The following GABBR2 variants were observed in gnomAD, a reference collection of about 807,000 sequenced individuals.
GABBR2 encodes the protein gamma-aminobutyric acid type B receptor subunit 2, also known as G-protein coupled receptor 51.
A neutral mutation model predicts 105.6 loss-of-function variants in GABBR2; 23 were observed. The ratio of observed to expected loss-of-function variants is 0.22; its 90% CI spans 0.16 to 0.31. The LOEUF is 0.31. GABBR2 is among the 10% of genes least tolerant of loss of function. The pLI, the probability that GABBR2 is intolerant of heterozygous loss-of-function variation, is 1.00. For synonymous variants in GABBR2, 478 were observed against 499.7 expected, an observed-to-expected ratio of 0.96 and a Z score of 0.58; for missense variants, 734 against 1,245.5, an observed-to-expected ratio of 0.59 and a Z score of 6.18.
intron 3 of GABBR2, among the ~76,000 whole-genome samples, chr9:98,530,025 G>A (rs1315550266): frequency 6.6e-6 from 1 of 152,158 alleles, no homozygotes; most frequent in African/African-American, 2.4e-5. Context: ...CACTACCCAA[G>A]CCTGGCAGAT....
At chr9:98,315,889 A>G (rs1830707399) in intron 13 of GABBR2, among the ~76,000 whole-genome samples, 1 of 152,228 alleles carries the variant, frequency 6.6e-6, no homozygotes. Context: ...CCAGATTTCC[A>G]AGCACCATGG....
intron 3 of GABBR2, among the ~76,000 whole-genome samples, chr9:98,541,632 C>T (rs917613720): frequency 3.3e-5 from 5 of 152,114 alleles, no homozygotes; most frequent in Non-Finnish European, 7.4e-5. Context: ...CACGAGGTAG[C>T]CAATAAAAAG....
chr9:98,540,555 A>T (rs1342210303), intron 3 of GABBR2, among the ~76,000 whole-genome samples: 1 of 152,202 alleles, frequency 6.6e-6, no homozygotes, highest in African/African-American at 2.4e-5. Context: ...GCTGATTACC[A>T]GCCCTGTTCT....
At chr9:98,592,574 G>A (rs2131797021) in intron 1 of GABBR2, among the ~76,000 whole-genome samples, 1 of 152,280 alleles carries the variant, frequency 6.6e-6, no homozygotes, top group South Asian at 2.1e-4. Context: ...TCAAACCCAG[G>A]CTATCATACT....
chr9:98,410,505 CTT>C (rs5899341), intron 7 of GABBR2, among the ~76,000 whole-genome samples: 2,645 of 126,428 alleles, frequency 0.021, 73 homozygotes, highest in Admixed American at 0.085. Context: ...GAGGGAAAAG[CTT>C]TTTTTTTTTT....
chr9:98,485,706 T>C (rs1827032101), intron 4 of GABBR2, among the ~76,000 whole-genome samples: 1 of 152,236 alleles, frequency 6.6e-6, no homozygotes, highest in Non-Finnish European at 1.5e-5. Flanking sequence ...GCTGTTATTA[T>C]GCTCACTTTG....
intron 2 of GABBR2, among the ~76,000 whole-genome samples, chr9:98,564,949 G>C: frequency 6.6e-6 from 1 of 152,134 alleles, no homozygotes; most frequent in East Asian, 1.9e-4. Context: ...TAAATATCAG[G>C]AAATACAGAG....
intron 1 of GABBR2, among the ~76,000 whole-genome samples, chr9:98,618,638 C>T (rs559683455): frequency 1.2e-4 from 19 of 152,106 alleles, no homozygotes; most frequent in Non-Finnish European, 2.4e-4. Context: ...CCCTCTCTGT[C>T]TCTGTGAGTG....
chr9:98,608,100 TG>T, intron 1 of GABBR2: 1 of 1,309,142 alleles, frequency 7.6e-7, no homozygotes. Flanking sequence ...TCGAGAACCT[TG>T]GAAAAGAACA....
At chr9:98,573,723 G>T (rs1447050817) in intron 2 of GABBR2, among the ~76,000 whole-genome samples, 3 of 152,218 alleles carry the variant, frequency 2.0e-5, no homozygotes, top group Non-Finnish European at 4.4e-5. Flanking sequence ...GAAGGATGTA[G>T]AACAGTGTTT....
At chr9:98,373,478 C>G (rs1831820820) in intron 11 of GABBR2, among the ~76,000 whole-genome samples, 1 of 152,194 alleles carries the variant, frequency 6.6e-6, no homozygotes, top group Non-Finnish European at 1.5e-5. Flanking sequence ...CCAGGCCTCT[C>G]TCCCCGACAT....
chr9:98,641,514 G>A (rs995633771), intron 1 of GABBR2, among the ~76,000 whole-genome samples: 3 of 152,046 alleles, frequency 2.0e-5, no homozygotes, highest in Admixed American at 2.0e-4. Context: ...GGAAGTCCAC[G>A]AACCCATAAA....
At chr9:98,364,118 C>T (rs1831635084) in intron 12 of GABBR2, among the ~76,000 whole-genome samples, 1 of 152,148 alleles carries the variant, frequency 6.6e-6, no homozygotes, top group Non-Finnish European at 1.5e-5. Flanking sequence ...AGATTAAATC[C>T]AGCAAAACCG....
chr9:98,357,012 G>T (rs78594023), intron 13 of GABBR2, among the ~76,000 whole-genome samples: 5,700 of 152,304 alleles, frequency 0.037, 245 homozygotes, highest in African/African-American at 0.1. Flanking sequence ...GAAAAACTAT[G>T]GATCCGTGGT....
chr9:98,508,892 G>T (rs1827574994), intron 3 of GABBR2, among the ~76,000 whole-genome samples: 1 of 152,154 alleles, frequency 6.6e-6, no homozygotes, highest in Non-Finnish European at 1.5e-5. Context: ...AGACTTAAAT[G>T]TCCCTGTCTG....
intron 8 of GABBR2, among the ~76,000 whole-genome samples, chr9:98,401,602 C>T (rs1181300804): frequency 3.3e-5 from 5 of 152,110 alleles, no homozygotes; most frequent in Non-Finnish European, 7.4e-5. Flanking sequence ...GACTATGACT[C>T]CACTCTTTAA....
chr9:98,305,896 A>G lies in GABBR2; in HGVS notation c.2229+225T>C, dbSNP rs114952289. On this transcript the variant is annotated intron_variant, in intron 15 of 18. Transcript: ENST00000259455. ...AACATTAACAGTAAAGAACACCCCA[A>G]CAAAACATGACCAGTGATGATTTTT... Among the ~76,000 whole-genome samples, 998 of 152,250 alleles carry G rather than the reference A, an allele frequency of 6.6e-3. 10 individuals are homozygous for G. Among genetic ancestry groups the G allele is most frequent in the African/African-American group, 0.02 (821 of 41,548 alleles).
chr9:98,312,756 T>C (rs1384320848), intron 13 of GABBR2, among the ~76,000 whole-genome samples: 1 of 152,202 alleles, frequency 6.6e-6, no homozygotes, highest in Non-Finnish European at 1.5e-5. Flanking sequence ...TGTATATCAG[T>C]ATGTTCCTTT....
intron 15 of GABBR2, among the ~76,000 whole-genome samples, chr9:98,305,041 G>A (rs1785235324): frequency 6.6e-6 from 1 of 151,998 alleles, no homozygotes; most frequent in African/African-American, 2.4e-5. Context: ...CCAAAGTGCT[G>A]GGATTACAGG....
Sources: gnomAD v4.1 joint callset for allele counts (sites outside exome capture counted in the v4.1 genomes callset) on GRCh38, gnomAD v4.1.1 for gene constraint, MANE v1.5 for transcripts, NCBI Gene and HGNC (gene_info 2026-07-23, HGNC 2026-07-21) for gene names.